The following EPHB1 variants were observed in gnomAD, a reference collection of about 807,000 sequenced individuals.
EPHB1 encodes the protein ephrin type-B receptor 1.
Under a neutral mutation model 94.4 loss-of-function variants are expected in EPHB1, and 30 were observed. The ratio of observed to expected loss-of-function variants is 0.32; its 90% CI spans 0.24 to 0.43. EPHB1 has a LOEUF of 0.43. Ranked by LOEUF, EPHB1 falls within the 20% of genes least tolerant of loss-of-function variation. The pLI, the probability that EPHB1 is intolerant of heterozygous loss-of-function variation, is 1.00. For missense variants in EPHB1, 1,055 were observed against 1,308.3 expected (o/e 0.81, Z 2.99); for synonymous variants, 522 against 489.1 (o/e 1.07, Z -0.89).
At chr3:135,063,963 TG>T (rs202140121) in intron 3 of EPHB1, among the ~76,000 whole-genome samples, 8 of 152,146 alleles carry the variant, frequency 5.3e-5, no homozygotes, top group Admixed American at 1.3e-4. Context: ...ATGTGGTTTT[TG>T]TTTTTAATTC....
intron 1 of EPHB1, among the ~76,000 whole-genome samples, chr3:134,899,883 G>C (rs1009560655): frequency 5.9e-5 from 9 of 152,184 alleles, no homozygotes; most frequent in African/African-American, 2.2e-4. Context: ...GGCACAGCAA[G>C]GGTATAACAG....
chr3:135,166,839 G>A (rs1203694389), intron 8 of EPHB1, 103 bp from the exon 9 acceptor site: 2 of 1,201,656 alleles, frequency 1.7e-6, no homozygotes, highest in Non-Finnish European at 2.4e-6. Context: ...CCTGGGAGAT[G>A]CCCCGGGTGA....
chr3:135,084,352 C>T (rs574932569), intron 3 of EPHB1, among the ~76,000 whole-genome samples: 59 of 152,214 alleles, frequency 3.9e-4, no homozygotes, highest in African/African-American at 1.1e-3. Context: ...CTCACCCACC[C>T]GTACAGCCTA....
chr3:134,922,790 G>A (rs1003011146), intron 1 of EPHB1, among the ~76,000 whole-genome samples: 2 of 152,160 alleles, frequency 1.3e-5, no homozygotes, highest in African/African-American at 4.8e-5. Flanking sequence ...AAAAGCCCAA[G>A]TCGGCCTTGT....
chr3:135,029,373 T>C (rs1936326998), intron 3 of EPHB1, among the ~76,000 whole-genome samples: 1 of 151,674 alleles, frequency 6.6e-6, no homozygotes, highest in Non-Finnish European at 1.5e-5. Flanking sequence ...GGTTGTTCCT[T>C]TCCATGTTTA....
intron 1 of EPHB1, among the ~76,000 whole-genome samples, chr3:134,875,232 C>T (rs530352776): frequency 3.3e-5 from 5 of 152,152 alleles, no homozygotes; most frequent in Non-Finnish European, 7.4e-5. Flanking sequence ...TGGAGAGAAG[C>T]CAAGTGTTGT....
chr3:135,123,180 C>G (rs911116730), intron 4 of EPHB1, among the ~76,000 whole-genome samples: 1 of 152,166 alleles, frequency 6.6e-6, no homozygotes, highest in African/African-American at 2.4e-5. Context: ...TTGGTTCCAC[C>G]AGTGCATGAG....
intron 2 of EPHB1, among the ~76,000 whole-genome samples, chr3:134,931,164 C>G (rs1431028725): frequency 6.6e-6 from 1 of 152,210 alleles, no homozygotes; most frequent in East Asian, 1.9e-4. Context: ...TTGTCAATAT[C>G]TTTTTAAAGA....
chr3:134,873,087 C>T (rs188997416), intron 1 of EPHB1, among the ~76,000 whole-genome samples: 1 of 152,292 alleles, frequency 6.6e-6, no homozygotes. Flanking sequence ...GACTCTTAAA[C>T]TAGAGCCATT....
chr3:135,001,595 C>G (rs1032817423), intron 3 of EPHB1, among the ~76,000 whole-genome samples: 5 of 152,200 alleles, frequency 3.3e-5, no homozygotes, highest in Non-Finnish European at 7.3e-5. Flanking sequence ...CCACTAACCC[C>G]AGGCCCAATG....
chr3:135,057,209 T>C (rs1053603934), intron 3 of EPHB1, among the ~76,000 whole-genome samples: 6 of 152,056 alleles, frequency 3.9e-5, no homozygotes, highest in African/African-American at 1.4e-4. Flanking sequence ...AGGATATCTT[T>C]AGAGAGTGTC....
At chr3:134,822,155 C>G (rs973196869) in intron 1 of EPHB1, among the ~76,000 whole-genome samples, 4 of 152,174 alleles carry the variant, frequency 2.6e-5, no homozygotes, top group African/African-American at 7.2e-5. Context: ...AAGACGTCCC[C>G]TTCCCTCTGC....
chr3:135,237,031 G>A (rs1268473682), intron 12 of EPHB1, among the ~76,000 whole-genome samples: 1 of 152,156 alleles, frequency 6.6e-6, no homozygotes, highest in East Asian at 1.9e-4. Flanking sequence ...ATTGCCCATT[G>A]AGAGTAGGGC....
At chr3:135,046,659 CTAAT>C (rs1937009251) in intron 3 of EPHB1, among the ~76,000 whole-genome samples, 1 of 152,174 alleles carries the variant, frequency 6.6e-6, no homozygotes, top group Non-Finnish European at 1.5e-5. Context: ...CCAGGCGAGA[CTAAT>C]TAAGTCAGAA....
chr3:135,087,661 A>G (rs1015287068), intron 3 of EPHB1, among the ~76,000 whole-genome samples: 1 of 152,086 alleles, frequency 6.6e-6, no homozygotes, highest in African/African-American at 2.4e-5. Flanking sequence ...ATGCACAATA[A>G]TATAATTATT....
chr3:134,814,171 A>C (rs2036225074), intron 1 of EPHB1, among the ~76,000 whole-genome samples: 1 of 152,226 alleles, frequency 6.6e-6, no homozygotes, highest in Admixed American at 6.5e-5. Flanking sequence ...CAATGGAAGC[A>C]TAGGAAACCT....
chr3:134,810,276 A>AGTGTGT (rs35841212), intron 1 of EPHB1, among the ~76,000 whole-genome samples: 12,354 of 145,780 alleles, frequency 0.085, 597 homozygotes, highest in East Asian at 0.17. Context: ...GCACAGGAGG[A>AGTGTGT]GTGTGTGTGT....
At chr3:135,104,674 A>G (rs940476783) in intron 3 of EPHB1, among the ~76,000 whole-genome samples, 6 of 152,252 alleles carry the variant, frequency 3.9e-5, no homozygotes, top group Non-Finnish European at 7.3e-5. Context: ...TAAAATCAGC[A>G]TTTCAAAATA....
intron 12 of EPHB1, among the ~76,000 whole-genome samples, chr3:135,239,555 G>A (rs1943731281): frequency 6.6e-6 from 1 of 152,142 alleles, no homozygotes; most frequent in Non-Finnish European, 1.5e-5. Flanking sequence ...AGCATGAAAG[G>A]GTGAAATCCT....
Sources: gnomAD v4.1 joint callset for allele counts (sites outside exome capture counted in the v4.1 genomes callset) on GRCh38, gnomAD v4.1.1 for gene constraint, MANE v1.5 for transcripts, NCBI Gene and HGNC (gene_info 2026-07-23, HGNC 2026-07-21) for gene names.